CUBN: variants seen among roughly 807,000 people sequenced by gnomAD.
The protein encoded by CUBN is 460 kDa receptor.
CUBN carries 282 observed loss-of-function variants against 405.3 expected under a neutral mutation model. The ratio of observed to expected loss-of-function variants is 0.70; its 90% CI spans 0.63 to 0.77. CUBN has a LOEUF of 0.77. Ranked by LOEUF, CUBN falls within the 30% of genes least tolerant of loss-of-function variation. The pLI, the probability that CUBN is intolerant of heterozygous loss-of-function variation, is 0.00. For synonymous variants in CUBN, 1,684 were observed against 1,617.0 expected, an observed-to-expected ratio of 1.04 and a Z score of -0.99; for missense variants, 4,514 against 4,475.2, an observed-to-expected ratio of 1.01 and a Z score of -0.25.
intron 54 of CUBN, among the ~76,000 whole-genome samples, chr10:16,892,260 G>C (rs373497241): frequency 1.3e-5 from 2 of 152,086 alleles, no homozygotes; most frequent in African/African-American, 2.4e-5. Flanking sequence ...TATTAGATAA[G>C]GGAGGTGCCT....
intron 28 of CUBN, among the ~76,000 whole-genome samples, chr10:16,998,165 G>C (rs1015227743): frequency 2.0e-5 from 3 of 152,110 alleles, no homozygotes; most frequent in Admixed American, 2.0e-4. Context: ...GTTGAACACT[G>C]TCCCCCGAGA....
At chr10:17,064,993 G>A (rs1425404291) in intron 22 of CUBN, among the ~76,000 whole-genome samples, 1 of 151,988 alleles carries the variant, frequency 6.6e-6, no homozygotes, top group Non-Finnish European at 1.5e-5. Context: ...CTTAACATAA[G>A]TATTCAGTCT....
At position 17,030,893 on chromosome 10, in the gene CUBN, C is replaced by T. The variant is rs181974165; in HGVS notation, c.4017+10140G>A. On this transcript the variant is annotated intron_variant, in intron 27 of 66. Coordinates refer to ENST00000377833, the MANE Select transcript of CUBN (RefSeq NM_001081.4). ...AAGATTACGCCACTGCACTCCAGCC[C>T]GGGCGACAGAGTAAGACTCTGTCTC... Among the ~76,000 whole-genome samples, 505 of 151,686 alleles carry T rather than the reference C, an allele frequency of 3.3e-3. 3 individuals are homozygous for T. Among genetic ancestry groups the T allele is most frequent in the African/African-American group, 0.012 (483 of 41,336 alleles).
chr10:16,991,255 A>G (rs1833578888), intron 28 of CUBN, among the ~76,000 whole-genome samples: 1 of 152,230 alleles, frequency 6.6e-6, no homozygotes, highest in South Asian at 2.1e-4. Flanking sequence ...TGGGCTTTCC[A>G]TGTGTTTTCT....
intron 31 of CUBN, among the ~76,000 whole-genome samples, chr10:16,966,644 T>C (rs1843399880): frequency 6.6e-6 from 1 of 152,168 alleles, no homozygotes; most frequent in Admixed American, 6.5e-5. Context: ...AGACAGGGTC[T>C]CACCATGTTG....
At chr10:16,907,901 A>T (rs1196052210) in intron 48 of CUBN, among the ~76,000 whole-genome samples, 7 of 152,176 alleles carry the variant, frequency 4.6e-5, no homozygotes, top group Middle Eastern at 3.2e-3. Context: ...GTATTGCAGT[A>T]ATGCCTTCCT....
rs536651082 is a variant in CUBN at position 16,922,860 on chromosome 10, T to C, written c.6646+2381A>G. On this transcript the variant is annotated intron_variant, in intron 43 of 66. Coordinates refer to ENST00000377833, the MANE Select transcript of CUBN (RefSeq NM_001081.4). ...ATATACCATGTTCTTTTTTTTTTTT[T>C]TTCCTTTGAGACAGGGTCTCGCTTT... Among the ~76,000 whole-genome samples the C allele has an allele frequency of 2.2e-4, 33 of 151,822 alleles. No individual in the cohort carries two copies. The South Asian group carries it at 6.5e-3, about 30-fold the overall frequency.
At position 16,980,154 on chromosome 10, in the gene CUBN, G is replaced by A. The variant is rs563472274; in HGVS notation, c.4695+2330C>T. 1.1e-4 allele frequency among the ~76,000 whole-genome samples: 17 copies of A among 152,192 alleles called. No homozygotes were observed. In the East Asian group the frequency reaches 1.9e-3, roughly 17 times the overall value. On this transcript the variant is annotated intron_variant, in intron 31 of 66. Coordinates refer to ENST00000377833, the MANE Select transcript of CUBN (RefSeq NM_001081.4). The stretch of plus-strand genomic sequence containing the variant: ...AAACCACAATGAGATACCATCTCAC[G>A]CCAGTTAGAATGGCAATTATTAAAA...
rs144036493 is a variant in CUBN, at chr10:16,939,568, G to C, written c.5549-421C>G. 3.6e-4 allele frequency among the ~76,000 whole-genome samples: 55 copies of C among 152,316 alleles called. No homozygotes were observed. In the East Asian group the frequency reaches 9.1e-3, roughly 25 times the overall value. On this transcript the variant is annotated intron_variant, in intron 37 of 66. Coordinates refer to ENST00000377833, the MANE Select transcript of CUBN (RefSeq NM_001081.4). ...AGCCAATAATGGAAAAGTTGAGCTAGAGAATAAAAATATTTAACATTTTAT... is the reference window on the plus strand; with the variant it reads ...AGCCAATAATGGAAAAGTTGAGCTACAGAATAAAAATATTTAACATTTTAT...
chr10:16,996,995 G>C (rs1317042448), intron 28 of CUBN, among the ~76,000 whole-genome samples: 2 of 152,366 alleles, frequency 1.3e-5, no homozygotes, highest in East Asian at 3.9e-4. Flanking sequence ...AAAGTAATTA[G>C]TGAGGATGTT....
intron 47 of CUBN, 71 bp from the exon 48 acceptor site, chr10:16,914,063 A>C: frequency 1.3e-6 from 2 of 1,515,358 alleles, no homozygotes; most frequent in Non-Finnish European, 1.8e-6. Flanking sequence ...GAAAGCTCTC[A>C]AAATTCAGGT....
rs950604857 is a variant in CUBN at position 16,900,460 on chromosome 10, G to A, written c.8410+165C>T. 6.6e-5 allele frequency among the ~76,000 whole-genome samples: 10 copies of A among 152,360 alleles called. 1 individual carries two copies. The highest frequency in any genetic ancestry group is 4.1e-4 in the South Asian group (2 of 4,828). On this transcript the variant is annotated intron_variant, in intron 53 of 66. Coordinates refer to ENST00000377833, the MANE Select transcript of CUBN (RefSeq NM_001081.4). ...GTCTCTGCCCATGCAAAATAGAGAT[G>A]CCAGGTATTGATATTGTGTTATCCC... is the stretch of plus-strand genomic sequence containing the variant.
Position 17,071,229 on chromosome 10 carries a change from T to C in CUBN, c.2625+197A>G, listed in dbSNP as rs146063133. On this transcript the variant is annotated intron_variant, in intron 19 of 66. Transcript: ENST00000377833. The stretch of plus-strand genomic sequence containing the variant: ...AATTCTCGGGACAAATCTCACTTAA[T>C]CATGGTATATAAATCCTCTTTTTGT... Among the ~76,000 whole-genome samples, 4 of 152,306 alleles carry C rather than the reference T, an allele frequency of 2.6e-5. No individual in the cohort carries two copies. The East Asian group carries it at 7.7e-4, about 29-fold the overall frequency.
chr10:17,062,208 A>G (rs188016873), intron 22 of CUBN, among the ~76,000 whole-genome samples: 1 of 152,178 alleles, frequency 6.6e-6, no homozygotes, highest in Non-Finnish European at 1.5e-5. Flanking sequence ...AATTAATTTC[A>G]TGACTCACGA....
At chr10:17,039,719 C>T (rs753099522) in intron 27 of CUBN, among the ~76,000 whole-genome samples, 1 of 152,198 alleles carries the variant, frequency 6.6e-6, no homozygotes, top group Middle Eastern at 3.4e-3. Context: ...TTGCCAAGTA[C>T]GTGCTTGTAA....
In CUBN at chr10:16,874,370, G is replaced by T; in HGVS notation, c.9236+4C>A. 1.2e-6 allele frequency: 2 copies of T among 1,614,028 alleles called. No individual in the cohort carries two copies. The highest frequency in any genetic ancestry group is 4.5e-5 in the East Asian group (2 of 44,870). On this transcript the variant is annotated splice_donor_region_variant and intron_variant, in intron 58 of 66. Coordinates refer to ENST00000377833, the MANE Select transcript of CUBN (RefSeq NM_001081.4). ...TCTTAAGAAAGCCAATTTGTCTTAC[G>T]TACTTGAGCTCGATCACCTTGTCGT...
At chr10:16,939,753 C>T (rs1284644515) in intron 37 of CUBN, among the ~76,000 whole-genome samples, 3 of 151,410 alleles carry the variant, frequency 2.0e-5, no homozygotes, top group Non-Finnish European at 4.4e-5. Context: ...TATTACCAGA[C>T]TCTAACACAA....
intron 28 of CUBN, among the ~76,000 whole-genome samples, chr10:17,014,138 G>C (rs141747678): frequency 0.011 from 1,686 of 152,262 alleles, 34 homozygotes; most frequent in African/African-American, 0.037. Context: ...AGTCCAGACA[G>C]TGAGATCCTT....
At chr10:17,107,359 G>A (rs974729491) in intron 10 of CUBN, among the ~76,000 whole-genome samples, 1 of 152,106 alleles carries the variant, frequency 6.6e-6, no homozygotes, top group Non-Finnish European at 1.5e-5. Context: ...AATCAATGTG[G>A]CAGTTAACTA....
Sources: gnomAD v4.1 joint callset for allele counts (sites outside exome capture counted in the v4.1 genomes callset) on GRCh38, gnomAD v4.1.1 for gene constraint, MANE v1.5 for transcripts, NCBI Gene and HGNC (gene_info 2026-07-23, HGNC 2026-07-21) for gene names.